NEK11: variants seen among roughly 807,000 people sequenced by gnomAD.
NEK11 encodes the protein serine/threonine-protein kinase Nek11.
A neutral mutation model predicts 80.7 loss-of-function variants in NEK11; 72 were observed. The ratio of observed to expected loss-of-function variants is 0.89; its 90% CI spans 0.74 to 1.08. The LOEUF is 1.08. Ranked by LOEUF, NEK11 falls within the 50% of genes least tolerant of loss-of-function variation. The pLI is 0.00. For synonymous variants in NEK11, 251 were observed against 260.7 expected, an observed-to-expected ratio of 0.96 and a Z score of 0.36; for missense variants, 764 against 763.6, an observed-to-expected ratio of 1.00 and a Z score of -0.01.
chr3:131,107,229 T>TA (rs1560432995), intron 4 of NEK11, among the ~76,000 whole-genome samples: 3 of 152,182 alleles, frequency 2.0e-5, no homozygotes, highest in East Asian at 3.9e-4. Flanking sequence ...TAACACATTT[T>TA]AAAAAAATGC....
chr3:131,209,397 T>G (rs2094542152), intron 14 of NEK11, among the ~76,000 whole-genome samples: 1 of 152,192 alleles, frequency 6.6e-6, no homozygotes, highest in African/African-American at 2.4e-5. Context: ...TATTGAGGAT[T>G]TTTGTATTGA....
intron 3 of NEK11, among the ~76,000 whole-genome samples, chr3:131,041,830 C>T (rs2066531597): frequency 1.3e-5 from 2 of 152,260 alleles, no homozygotes; most frequent in Non-Finnish European, 2.9e-5. Context: ...CGAATAAGAA[C>T]AGCTCTGGTC....
intron 5 of NEK11, among the ~76,000 whole-genome samples, chr3:131,127,052 G>A (rs140750265): frequency 0.015 from 2,078 of 135,950 alleles, 44 homozygotes; most frequent in African/African-American, 0.056. Context: ...TGCAACCTCC[G>A]CCTCCCATGT....
chr3:131,069,253 A>T (rs923195859), intron 3 of NEK11, among the ~76,000 whole-genome samples: 2 of 152,214 alleles, frequency 1.3e-5, no homozygotes, highest in African/African-American at 2.4e-5. Context: ...AAATGGAGCT[A>T]ATCAGCTTTT....
At position 131,104,621 on chromosome 3, in the gene NEK11, G is replaced by A. The variant is rs182948451; in HGVS notation, c.337-5182G>A. On this transcript the variant is annotated intron_variant, in intron 4 of 17. Transcript: ENST00000383366. ...ATTGGACCTTGCCTGATGAGGTACAGTCTGCAGTTCATCCTCTCCTCAGCA... is the reference window on the plus strand; with the variant it reads ...ATTGGACCTTGCCTGATGAGGTACAATCTGCAGTTCATCCTCTCCTCAGCA... Among the ~76,000 whole-genome samples, 10 of 152,244 alleles carry A rather than the reference G, an allele frequency of 6.6e-5. No homozygotes were observed. The East Asian group carries it at 1.9e-3, about 29-fold the overall frequency.
At chr3:131,196,683 C>T (rs2094023406) in intron 14 of NEK11, among the ~76,000 whole-genome samples, 1 of 151,934 alleles carries the variant, frequency 6.6e-6, no homozygotes, top group Non-Finnish European at 1.5e-5. Flanking sequence ...ACAGGTGGTG[C>T]CACCACGCTG....
At chr3:131,255,079 GGAAAGAAAGAAAGAAAGAAA>G (rs59699596) in intron 16 of NEK11, among the ~76,000 whole-genome samples, 29 of 119,278 alleles carry the variant, frequency 2.4e-4, no homozygotes, top group South Asian at 1.5e-3. Flanking sequence ...ACAGAAAGAA[GGAAAGAAAGAAAGAAAGAAA>G]GAAAGAAAGA....
intron 16 of NEK11, among the ~76,000 whole-genome samples, chr3:131,270,311 A>C (rs549991738): frequency 9.9e-5 from 15 of 152,262 alleles, no homozygotes; most frequent in Admixed American, 7.2e-4. Flanking sequence ...GAGCCTTACT[A>C]CTCAAAGTGT....
chr3:131,179,697 A>G (rs181315739), intron 14 of NEK11, among the ~76,000 whole-genome samples: 4 of 152,334 alleles, frequency 2.6e-5, no homozygotes, highest in Non-Finnish European at 1.5e-5. Flanking sequence ...AGGTTTCCTT[A>G]CAATTAGACA....
At chr3:131,069,854 C>T (rs1228146444) in intron 3 of NEK11, among the ~76,000 whole-genome samples, 2 of 150,690 alleles carry the variant, frequency 1.3e-5, no homozygotes, top group South Asian at 4.2e-4. Flanking sequence ...GGAGGGATAG[C>T]ATTGGGAGAT....
intron 3 of NEK11, among the ~76,000 whole-genome samples, chr3:131,066,510 G>C (rs920512797): frequency 6.6e-6 from 1 of 152,028 alleles, no homozygotes; most frequent in Non-Finnish European, 1.5e-5. Context: ...GCATCCCATA[G>C]GGGTGAGATA....
intron 3 of NEK11, among the ~76,000 whole-genome samples, chr3:131,077,739 G>A (rs2074594832): frequency 6.6e-6 from 1 of 152,150 alleles, no homozygotes; most frequent in South Asian, 2.1e-4. Context: ...AGATGTCTTT[G>A]TGCTTCGCCT....
intron 3 of NEK11, among the ~76,000 whole-genome samples, chr3:131,059,363 G>T (rs1367058189): frequency 6.6e-6 from 1 of 152,098 alleles, no homozygotes; most frequent in East Asian, 1.9e-4. Flanking sequence ...ATAAAGAGGA[G>T]AAATATGTAC....
chr3:131,055,063 T>TG (rs1283728611), intron 3 of NEK11, among the ~76,000 whole-genome samples: 3 of 152,156 alleles, frequency 2.0e-5, no homozygotes, highest in Admixed American at 2.0e-4. Context: ...ATGGCATCCC[T>TG]GGGGCAAGAG....
intron 17 of NEK11, among the ~76,000 whole-genome samples, chr3:131,303,798 T>C (rs2096690517): frequency 6.6e-6 from 1 of 152,196 alleles, no homozygotes; most frequent in Non-Finnish European, 1.5e-5. Context: ...TCTTTCATTT[T>C]GACCTTGGAG....
intron 17 of NEK11, among the ~76,000 whole-genome samples, chr3:131,338,637 C>T (rs189615933): frequency 2.6e-4 from 39 of 152,278 alleles, no homozygotes; most frequent in South Asian, 4.1e-4. Context: ...GCAGCACATC[C>T]GTACAGTGAA....
chr3:131,031,806 C>T (rs181779616), intron 3 of NEK11, among the ~76,000 whole-genome samples: 12 of 152,092 alleles, frequency 7.9e-5, no homozygotes, highest in Non-Finnish European at 1.3e-4. Flanking sequence ...GTGAGGATAA[C>T]GGACAAAAAT....
At chr3:131,222,291 G>T (rs977908571) in intron 14 of NEK11, among the ~76,000 whole-genome samples, 6 of 152,170 alleles carry the variant, frequency 3.9e-5, no homozygotes, top group Non-Finnish European at 2.9e-5. Context: ...AAAGTGGGCA[G>T]AAAAATGTCA....
At chr3:131,060,311 G>T (rs1472130081) in intron 3 of NEK11, among the ~76,000 whole-genome samples, 1 of 152,170 alleles carries the variant, frequency 6.6e-6, no homozygotes, top group Non-Finnish European at 1.5e-5. Context: ...TAAAGGTATT[G>T]GAGGCCATTT....
Sources: gnomAD v4.1 joint callset for allele counts (sites outside exome capture counted in the v4.1 genomes callset) on GRCh38, gnomAD v4.1.1 for gene constraint, MANE v1.5 for transcripts, NCBI Gene and HGNC (gene_info 2026-07-23, HGNC 2026-07-21) for gene names.